Variants in IL34 observed in about 807,000 individuals in gnomAD.
The protein encoded by IL34 is interleukin-34.
A neutral mutation model predicts 25.3 loss-of-function variants in IL34; 17 were observed. The observed-to-expected ratio is 0.67, with a 90% confidence interval of 0.46 to 1.01. The LOEUF (loss-of-function observed/expected upper bound fraction) is 1.01, where lower values mean the gene tolerates loss of function less well. IL34 is among the 50% of genes least tolerant of loss of function. The probability of loss-of-function intolerance (pLI) is 0.00; values close to 1 mark genes in which losing one functional copy is unlikely to be tolerated. For synonymous variants in IL34, 174 were observed against 140.9 expected, an observed-to-expected ratio of 1.23 and a Z score of -1.66; for missense variants, 368 against 312.9, an observed-to-expected ratio of 1.18 and a Z score of -1.33.
intron 1 of IL34, among the ~76,000 whole-genome samples, chr16:70,620,469 G>A (rs1427730733): frequency 6.6e-6 from 1 of 152,036 alleles, no homozygotes; most frequent in Non-Finnish European, 1.5e-5. Flanking sequence ...GGGTGGAGGA[G>A]CGGAGGCTGA....
At chr16:70,626,443 C>G (rs984055751) in intron 1 of IL34, among the ~76,000 whole-genome samples, 2 of 152,166 alleles carry the variant, frequency 1.3e-5, no homozygotes, top group African/African-American at 4.8e-5. Context: ...GTTGCCCAGG[C>G]TGGAATGGAA....
intron 1 of IL34, among the ~76,000 whole-genome samples, chr16:70,620,546 A>G (rs1338868912): frequency 6.6e-6 from 1 of 152,034 alleles, no homozygotes; most frequent in African/African-American, 2.4e-5. Context: ...TAGAAAAGGA[A>G]GATTAGAAAG....
intron 1 of IL34, among the ~76,000 whole-genome samples, chr16:70,623,728 G>T (rs2051328104): frequency 6.6e-6 from 1 of 151,774 alleles, no homozygotes; most frequent in East Asian, 1.9e-4. Context: ...TCCAGGAATA[G>T]TCAGGGAAGC....
chr16:70,650,116 C>T (rs1219556447), intron 1 of IL34, among the ~76,000 whole-genome samples: 1 of 152,120 alleles, frequency 6.6e-6, no homozygotes. Context: ...TGGGTTCTTA[C>T]CTCTGGGCTA....
At chr16:70,608,244 T>A (rs1002954297) in intron 1 of IL34, among the ~76,000 whole-genome samples, 3 of 151,556 alleles carry the variant, frequency 2.0e-5, no homozygotes, top group Non-Finnish European at 2.9e-5. Context: ...TTCTCCTGCC[T>A]TAGCCTCATT....
chr16:70,656,845 C>G lies in IL34; in HGVS notation c.241-115C>G, dbSNP rs1050384464. The stretch of plus-strand genomic sequence containing the variant: ...GCCCAGGCACATGTTTGTCCACTGT[C>G]CACAGCGGACGGCCCGCGTCTGCTC... On this transcript the variant is annotated intron_variant, in intron 3 of 5. Coordinates refer to ENST00000288098, the MANE Select transcript of IL34 (RefSeq NM_001393494.1). 4 of 1,225,872 alleles carry G rather than the reference C, an allele frequency of 3.3e-6. No homozygotes were observed. In the African/African-American group the frequency reaches 6.0e-5, roughly 18 times the overall value. The allele number at this position is 1,225,872 out of a possible 1,614,324, so 75.9% of individuals were successfully genotyped here.
chr16:70,620,694 CCTT>C (rs1347563121), intron 1 of IL34, among the ~76,000 whole-genome samples: 2 of 150,958 alleles, frequency 1.3e-5, no homozygotes, highest in East Asian at 1.9e-4. Context: ...GCACCTCAGA[CCTT>C]CTGCGTATTT....
intron 1 of IL34, among the ~76,000 whole-genome samples, chr16:70,614,971 T>C (rs1464431284): frequency 2.0e-5 from 3 of 152,182 alleles, no homozygotes; most frequent in Non-Finnish European, 2.9e-5. Flanking sequence ...AATAGAACTA[T>C]AGCAAAGAGT....
intron 1 of IL34, among the ~76,000 whole-genome samples, chr16:70,618,715 G>C (rs903322199): frequency 6.6e-6 from 1 of 152,118 alleles, no homozygotes; most frequent in Non-Finnish European, 1.5e-5. Context: ...GAAGGTGCTG[G>C]GGTTTGAGAG....
intron 1 of IL34, among the ~76,000 whole-genome samples, chr16:70,620,808 T>C (rs925422519): frequency 3.2e-4 from 48 of 152,278 alleles, no homozygotes; most frequent in Non-Finnish European, 5.4e-4. Flanking sequence ...TCAAGGGGCA[T>C]TGCAGAAGAA....
At chr16:70,637,265 CATAT>C (rs1456796621) in intron 1 of IL34, among the ~76,000 whole-genome samples, 1 of 152,074 alleles carries the variant, frequency 6.6e-6, no homozygotes, top group Non-Finnish European at 1.5e-5. Flanking sequence ...CTTTTGGTGT[CATAT>C]ATAAGAATCA....
chr16:70,649,839 C>T (rs1344697068), intron 1 of IL34, among the ~76,000 whole-genome samples: 1 of 152,138 alleles, frequency 6.6e-6, no homozygotes, highest in Non-Finnish European at 1.5e-5. Context: ...CACTCTGTCA[C>T]CCAGGCTGGA....
intron 1 of IL34, among the ~76,000 whole-genome samples, chr16:70,639,572 G>A (rs34580834): frequency 0.14 from 21,024 of 152,182 alleles, 1,715 homozygotes; most frequent in African/African-American, 0.22. Flanking sequence ...CAGTTGTCAC[G>A]TGCCTTCTGT....
intron 1 of IL34, among the ~76,000 whole-genome samples, chr16:70,640,531 G>T (rs1041842451): frequency 6.6e-6 from 1 of 151,720 alleles, no homozygotes; most frequent in African/African-American, 2.4e-5. Context: ...CGCTGAGGCA[G>T]GAGAATCTCT....
At chr16:70,602,636 G>A (rs2050936479) in intron 1 of IL34, among the ~76,000 whole-genome samples, 1 of 140,422 alleles carries the variant, frequency 7.1e-6, no homozygotes, top group South Asian at 2.2e-4. Context: ...TGTGTTGGGC[G>A]AGGGGTGGTA....
In IL34 at chr16:70,649,487, CCT is replaced by C. The variant is rs1236401174; in HGVS notation, c.28+2513_28+2514del. The stretch of plus-strand genomic sequence containing the variant: ...GAATGCTGCTTCTGCCCCGTCCACC[CCT>C]GTTTTCACTAGTCCTCAGTTTGGTC... On this transcript the variant is annotated intron_variant, in intron 1 of 5. Transcript: ENST00000288098. Among the ~76,000 whole-genome samples, 5 of 152,180 alleles carry C rather than the reference CCT, an allele frequency of 3.3e-5. 1 individual carries two copies. The highest frequency in any genetic ancestry group is 1.2e-4 in the African/African-American group (5 of 41,444).
chr16:70,608,072 T>A (rs1050841420), intron 1 of IL34, among the ~76,000 whole-genome samples: 2 of 151,744 alleles, frequency 1.3e-5, no homozygotes, highest in Non-Finnish European at 2.9e-5. Context: ...CCGGCCGGTT[T>A]TTCTTTTTTT....
At chr16:70,659,208 C>A (rs1022072810) in intron 4 of IL34, among the ~76,000 whole-genome samples, 18 of 152,194 alleles carry the variant, frequency 1.2e-4, no homozygotes, top group Admixed American at 3.3e-4. Context: ...GTGACTTAAG[C>A]CTCAGTGTCT....
At chr16:70,604,765 C>T (rs1182323205) in intron 1 of IL34, among the ~76,000 whole-genome samples, 2 of 152,176 alleles carry the variant, frequency 1.3e-5, no homozygotes, top group Admixed American at 6.5e-5. Flanking sequence ...CACAAAGTGA[C>T]GTGCAGGATA....
Sources: allele counts gnomAD v4.1 joint callset (sites outside exome capture counted in the v4.1 genomes callset), GRCh38; gene constraint gnomAD v4.1.1; transcripts MANE v1.5; gene names NCBI Gene and HGNC (gene_info 2026-07-23, HGNC 2026-07-21).